The following RNGTT variants were observed in gnomAD, a reference collection of about 807,000 sequenced individuals.
RNGTT encodes RNA guanylyltransferase and 5'-phosphatase, also known as mRNA-capping enzyme.
In RNGTT, 33 loss-of-function variants were observed where a neutral mutation model predicts 79.3. That is an observed-to-expected ratio of 0.42 (90% confidence interval 0.32 to 0.56). The LOEUF (loss-of-function observed/expected upper bound fraction) is 0.56, where lower values mean the gene tolerates loss of function less well. Ranked by LOEUF, RNGTT falls within the 20% of genes least tolerant of loss-of-function variation. The probability of loss-of-function intolerance (pLI) is 0.17; values close to 1 mark genes in which losing one functional copy is unlikely to be tolerated. For missense variants in RNGTT, 497 were observed against 739.1 expected (o/e 0.67, Z 3.80); for synonymous variants, 222 against 235.9 (o/e 0.94, Z 0.54).
Position 88,646,320 on chromosome 6 carries a change from G to C in RNGTT, c.1507-31925C>G, listed in dbSNP as rs184131037. Reference sequence around the variant, plus strand: ...ATCATCTCACACCAGTTAGAATGGCGATCATTAAAAAGTCAGGAAACAATA... The same window carrying C: ...ATCATCTCACACCAGTTAGAATGGCCATCATTAAAAAGTCAGGAAACAATA... On this transcript the variant is annotated intron_variant, in intron 14 of 15. Coordinates refer to ENST00000369485, the MANE Select transcript of RNGTT (RefSeq NM_003800.5). Among the ~76,000 whole-genome samples, 290 of 152,200 alleles carry C rather than the reference G, an allele frequency of 1.9e-3. 4 individuals are homozygous for C. The highest frequency in any genetic ancestry group is 6.8e-3 in the African/African-American group (284 of 41,542).
intron 14 of RNGTT, among the ~76,000 whole-genome samples, chr6:88,617,861 C>A (rs185780730): frequency 7.3e-6 from 1 of 137,056 alleles, no homozygotes; most frequent in African/African-American, 3.2e-5. Context: ...AGAAACACTG[C>A]TTAATTAAAA....
intron 1 of RNGTT, among the ~76,000 whole-genome samples, chr6:88,945,914 T>C (rs1157254550): frequency 6.6e-6 from 1 of 152,228 alleles, no homozygotes; most frequent in African/African-American, 2.4e-5. Context: ...GGAAAGACTC[T>C]AGCGAGTTGC....
chr6:88,629,996 C>T (rs996340956), intron 14 of RNGTT, among the ~76,000 whole-genome samples: 3 of 152,090 alleles, frequency 2.0e-5, no homozygotes, highest in Non-Finnish European at 4.4e-5. Context: ...TTGAAGAATG[C>T]GCCCCCTACC....
chr6:88,643,564 A>G (rs1481837163), intron 14 of RNGTT, among the ~76,000 whole-genome samples: 1 of 152,182 alleles, frequency 6.6e-6, no homozygotes, highest in Admixed American at 6.5e-5. Flanking sequence ...TCTCATCACC[A>G]CACCACACCT....
At chr6:88,905,190 G>C (rs1402691307) in intron 5 of RNGTT, among the ~76,000 whole-genome samples, 2 of 152,132 alleles carry the variant, frequency 1.3e-5, no homozygotes, top group Non-Finnish European at 2.9e-5. Flanking sequence ...AAATTGCTAT[G>C]AGTATATAGT....
intron 4 of RNGTT, among the ~76,000 whole-genome samples, chr6:88,909,985 A>T (rs1783780559): frequency 1.3e-5 from 2 of 152,034 alleles, no homozygotes; most frequent in South Asian, 4.1e-4. Flanking sequence ...AAAAAAACCC[A>T]TTCAATCAAC....
chr6:88,705,642 T>G (rs3798777), intron 13 of RNGTT, among the ~76,000 whole-genome samples: 17,374 of 152,108 alleles, frequency 0.11, 1,135 homozygotes, highest in Middle Eastern at 0.23. Context: ...TCATGCAAAA[T>G]TTTTAAATGC....
At position 88,860,787 on chromosome 6, in the gene RNGTT, A is replaced by G. The variant is rs549377614; in HGVS notation, c.897-7023T>C. Among the ~76,000 whole-genome samples, 21 of 152,094 alleles carry G rather than the reference A, an allele frequency of 1.4e-4. No homozygotes were observed. In the South Asian group the frequency reaches 4.2e-3, roughly 30 times the overall value. On this transcript the variant is annotated intron_variant, in intron 8 of 15. Transcript: ENST00000369485. The stretch of plus-strand genomic sequence containing the variant: ...CCAGGAGTTCAAGACTAGCCTGGCC[A>G]AGATAGTGAGACCACATCTCTATTT...
intron 13 of RNGTT, among the ~76,000 whole-genome samples, chr6:88,729,242 C>T (rs924558701): frequency 2.6e-5 from 4 of 152,132 alleles, no homozygotes; most frequent in African/African-American, 9.7e-5. Flanking sequence ...CAAAAGCTTA[C>T]CAATCAGTCC....
intron 13 of RNGTT, among the ~76,000 whole-genome samples, chr6:88,689,304 A>G (rs1423197043): frequency 3.3e-5 from 5 of 152,094 alleles, no homozygotes; most frequent in East Asian, 1.9e-4. Flanking sequence ...ACATTTTTTA[A>G]AAAGTCTATA....
chr6:88,963,110 C>T (rs1039128992), intron 1 of RNGTT, among the ~76,000 whole-genome samples: 1 of 152,194 alleles, frequency 6.6e-6, no homozygotes. Context: ...AACCTCCTGT[C>T]TACCTTCACA....
chr6:88,818,985 C>T (rs1411102546), intron 11 of RNGTT, among the ~76,000 whole-genome samples: 1 of 152,082 alleles, frequency 6.6e-6, no homozygotes, highest in African/African-American at 2.4e-5. Context: ...ATCACAGTTT[C>T]AATAAAAATA....
rs560405010 is a variant in RNGTT at position 88,698,319 on chromosome 6, T to C, written c.1440-19900A>G. 1.3e-3 allele frequency among the ~76,000 whole-genome samples: 179 copies of C among 140,048 alleles called. 1 individual carries two copies. Among genetic ancestry groups the C allele is most frequent in the African/African-American group, 4.6e-3 (175 of 37,704 alleles). The allele number at this position is 140,048 out of a possible 152,430, so 91.9% of individuals were successfully genotyped here. Reference sequence around the variant, plus strand: ...ATATATATGAAATATATATATGAAATATATATGAATTTTGGTAGGTATTGA... The same window carrying C: ...ATATATATGAAATATATATATGAAACATATATGAATTTTGGTAGGTATTGA... On this transcript the variant is annotated intron_variant, in intron 13 of 15. Transcript: ENST00000369485.
intron 12 of RNGTT, among the ~76,000 whole-genome samples, chr6:88,787,074 AGCCACT>A (rs1354076181): frequency 3.9e-5 from 6 of 152,166 alleles, no homozygotes; most frequent in Non-Finnish European, 7.3e-5. Flanking sequence ...GTTGTTTATA[AGCCACT>A]CGGTTTATGG....
At chr6:88,709,759 T>C (rs576069784) in intron 13 of RNGTT, among the ~76,000 whole-genome samples, 24 of 152,220 alleles carry the variant, frequency 1.6e-4, no homozygotes, top group Non-Finnish European at 3.2e-4. Context: ...TCTAGTCACA[T>C]TTCAAGTGCT....
chr6:88,774,463 A>G (rs1778804817), intron 12 of RNGTT, among the ~76,000 whole-genome samples: 1 of 152,180 alleles, frequency 6.6e-6, no homozygotes, highest in Non-Finnish European at 1.5e-5. Context: ...CGGAAGGTCC[A>G]TTTCTAGGTA....
chr6:88,939,448 G>C (rs1167760899), intron 2 of RNGTT, among the ~76,000 whole-genome samples: 1 of 151,922 alleles, frequency 6.6e-6, no homozygotes, highest in Non-Finnish European at 1.5e-5. Context: ...TCCTGAATTT[G>C]TTTGAATTTC....
intron 12 of RNGTT, among the ~76,000 whole-genome samples, chr6:88,773,873 A>C (rs1308165579): frequency 6.6e-6 from 1 of 152,198 alleles, no homozygotes; most frequent in African/African-American, 2.4e-5. Context: ...AGAAGAAAAC[A>C]TAAGGCTCTG....
intron 14 of RNGTT, among the ~76,000 whole-genome samples, chr6:88,632,811 T>C (rs1772951587): frequency 6.6e-6 from 1 of 152,172 alleles, no homozygotes; most frequent in Non-Finnish European, 1.5e-5. Flanking sequence ...AATTCTAATC[T>C]TGAATTTTAT....
Sources: gnomAD v4.1 joint callset for allele counts (sites outside exome capture counted in the v4.1 genomes callset) on GRCh38, gnomAD v4.1.1 for gene constraint, MANE v1.5 for transcripts, NCBI Gene and HGNC (gene_info 2026-07-23, HGNC 2026-07-21) for gene names.